The following MDM2 variants were observed in gnomAD, a reference collection of about 807,000 sequenced individuals.
MDM2 encodes the protein E3 ubiquitin-protein ligase Mdm2.
A neutral mutation model predicts 64.3 loss-of-function variants in MDM2; 11 were observed. That is an observed-to-expected ratio of 0.17 (90% CI 0.11 to 0.28). The LOEUF (loss-of-function observed/expected upper bound fraction) is 0.28. MDM2 is among the 10% of genes least tolerant of loss of function. The pLI is 1.00. For synonymous variants in MDM2, 194 were observed against 192.9 expected, an observed-to-expected ratio of 1.01 and a Z score of -0.05; for missense variants, 388 against 577.1, an observed-to-expected ratio of 0.67 and a Z score of 3.36.
intron 8 of MDM2, among the ~76,000 whole-genome samples, chr12:68,831,794 G>A (rs1013917160): frequency 5.9e-5 from 9 of 152,122 alleles, no homozygotes; most frequent in East Asian, 1.9e-4. Context: ...TCAGCCGGGC[G>A]TGGTGGCTCA....
At chr12:68,827,593 G>C (rs935920536) in intron 7 of MDM2, among the ~76,000 whole-genome samples, 1 of 152,076 alleles carries the variant, frequency 6.6e-6, no homozygotes, top group Admixed American at 6.5e-5. Context: ...TGAGGACTTT[G>C]CAGTATTATG....
downstream of MDM2, chr12:68,846,143 TG>T (rs1418719157): frequency 6.6e-6 from 1 of 152,152 alleles, no homozygotes; most frequent in South Asian, 2.1e-4. Context: ...TTAGTAGAGA[TG>T]GGGTTTCAGC....
Position 68,816,690 on chromosome 12 carries a change from A to C in MDM2, c.175-122A>C, listed in dbSNP as rs1363945841. ...CTTCTAAGTACAAAATGGTTGTTCT[A>C]CATAGTTGTGGATATGGTTCCTGGT... On this transcript the variant is annotated intron_variant, in intron 3 of 10. Coordinates refer to ENST00000258149, the MANE Select transcript of MDM2 (RefSeq NM_002392.6). 8.1e-6 allele frequency: 7 copies of C among 867,364 alleles called. No individual in the cohort carries two copies. The East Asian group carries it at 2.0e-4, about 25-fold the overall frequency. 53.7% of individuals were successfully genotyped at this position (867,364 alleles called of 1,614,324 possible).
chr12:68,816,390 T>G (rs991021416), intron 3 of MDM2, among the ~76,000 whole-genome samples: 126 of 107,464 alleles, frequency 1.2e-3, no homozygotes, highest in African/African-American at 4.8e-3. Flanking sequence ...TTTTTTTTTT[T>G]GAGATGAAGT....
chr12:68,808,320 A>C lies in MDM2; in HGVS notation c.-158A>C, dbSNP rs552035806. On this transcript the variant is annotated 5_prime_UTR_variant, in exon 1 of 11. Transcript: ENST00000258149. ...AGATCCTGCTGCTTTCGCAGCCAGG[A>C]GCACCGTCCCTCCCCGGATTAGTGC... The C allele has an allele frequency of 2.2e-6, 2 of 906,800 alleles. No individual in the cohort carries two copies. The highest frequency in any genetic ancestry group is 2.9e-5 in the South Asian group (2 of 69,244). 56.2% of individuals were successfully genotyped at this position (906,800 alleles called of 1,614,324 possible).
rs1458957722 is a variant in MDM2 at position 68,843,700 on chromosome 12, T to G, written c.*3851T>G. 1 of 42,372 alleles carries G rather than the reference T, an allele frequency of 2.4e-5. No homozygotes were observed. The highest frequency in any genetic ancestry group is 3.4e-4 in the African/African-American group (1 of 2,974). 2.6% of individuals were successfully genotyped at this position (42,372 alleles called of 1,614,324 possible). On this transcript the variant is annotated 3_prime_UTR_variant, in exon 11 of 11. Transcript: ENST00000258149. ...TAATGGTACATTGTTGCTTCAAAAC[T>G]CTCTCTCTCTCTCTCTGTCTGTCTC...
intron 8 of MDM2, 57 bp downstream of exon 8, chr12:68,828,988 C>A: frequency 6.5e-7 from 1 of 1,535,016 alleles, no homozygotes; most frequent in Non-Finnish European, 9.0e-7. Flanking sequence ...CTAGTCCTGG[C>A]AGTCCTAATA....
rs1261288897 is a variant in MDM2 at position 68,828,900 on chromosome 12, G to A, written c.653G>A (p.Ser218Asn). 47 of 1,613,894 alleles carry A rather than the reference G, an allele frequency of 2.9e-5. No homozygotes were observed. Among genetic ancestry groups the A allele is most frequent in the Non-Finnish European group, 3.7e-5 (44 of 1,179,998 alleles). Residue 218 changes from serine (S) to asparagine (N), a missense_variant, in exon 8 of 11, where the codon AGC becomes AAC. Physicochemically the swap from Ser to Asn is conservative, Grantham distance 46 (BLOSUM62 1). Transcript: ENST00000258149. ...IREICCERSS[S>N]SESTGTPSNP... ...GAGATATGTTGTGAAAGAAGCAGTA[G>A]CAGTGAATCTACAGGGACGCCATCG... is the stretch of plus-strand genomic sequence containing the variant.
At chr12:68,832,545 C>T (rs1882878001) in intron 8 of MDM2, among the ~76,000 whole-genome samples, 2 of 152,076 alleles carry the variant, frequency 1.3e-5, no homozygotes, top group South Asian at 2.1e-4. Flanking sequence ...CAGTCTCTCA[C>T]TCCGTTGCCC....
In MDM2 at chr12:68,839,405, A is replaced by G. The variant is rs756599882; in HGVS notation, c.1050A>G (p.Lys350=). The G allele has an allele frequency of 6.2e-7, 1 of 1,613,962 alleles. No individual in the cohort carries two copies. Among genetic ancestry groups the G allele is most frequent in the South Asian group, 1.1e-5 (1 of 91,078 alleles). ...AAGATAAAGGGGAAATCTCTGAGAA[A>G]GCCAAACTGGAAAACTCAACACAAG... ...KGKDKGEISE[K]AKLENSTQAE... The change falls in exon 11 of 11, where the codon AAA becomes AAG. Residue 350 remains lysine (K), a synonymous_variant. Transcript: ENST00000258149.
At chr12:68,832,546 T>G (rs1882878204) in intron 8 of MDM2, among the ~76,000 whole-genome samples, 1 of 152,128 alleles carries the variant, frequency 6.6e-6, no homozygotes, top group Non-Finnish European at 1.5e-5. Flanking sequence ...AGTCTCTCAC[T>G]CCGTTGCCCA....
intron 8 of MDM2, among the ~76,000 whole-genome samples, chr12:68,833,287 AT>A (rs1222053534): frequency 0.079 from 8,673 of 109,704 alleles, 1,565 homozygotes; most frequent in African/African-American, 0.3. Context: ...ATAAATATAA[AT>A]ATATATATTT....
chr12:68,826,536 C>T (rs1882333506), intron 7 of MDM2, among the ~76,000 whole-genome samples: 1 of 151,070 alleles, frequency 6.6e-6, no homozygotes, highest in South Asian at 2.1e-4. Flanking sequence ...GTAATCCCAG[C>T]TACTTGGGAG....
chr12:68,838,131 C>A (rs574969087), intron 10 of MDM2, among the ~76,000 whole-genome samples: 1 of 152,050 alleles, frequency 6.6e-6, no homozygotes, highest in African/African-American at 2.4e-5. Context: ...CTGTGAAAAA[C>A]CCCCTTCTAT....
chr12:68,808,392 G>T lies in MDM2; in HGVS notation c.-86G>T. ...GCCCGGAGAGTGGAATGATCCCCGA[G>T]GCCCAGGGCGTCGTGCTTCCGCGCG... On this transcript the variant is annotated 5_prime_UTR_variant, in exon 1 of 11. The change creates a new upstream start codon in the 5' untranslated region. Coordinates refer to ENST00000258149, the MANE Select transcript of MDM2 (RefSeq NM_002392.6). 1 of 1,579,076 alleles carries T rather than the reference G, an allele frequency of 6.3e-7. No homozygotes were observed.
intron 5 of MDM2, among the ~76,000 whole-genome samples, chr12:68,823,324 CAA>C (rs1382983241): frequency 6.6e-6 from 1 of 152,146 alleles, no homozygotes; most frequent in Admixed American, 6.5e-5. Flanking sequence ...CTTTTGAGCT[CAA>C]AGTCTGTATA....
chr12:68,835,090 G>T (rs779439846), intron 8 of MDM2, among the ~76,000 whole-genome samples: 2 of 152,126 alleles, frequency 1.3e-5, no homozygotes, highest in Non-Finnish European at 2.9e-5. Flanking sequence ...TACAAGTGTT[G>T]TGTCTTGTTA....
chr12:68,838,474 GGAT>G (rs1883484337), intron 10 of MDM2, among the ~76,000 whole-genome samples: 1 of 152,196 alleles, frequency 6.6e-6, no homozygotes, highest in South Asian at 2.1e-4. Context: ...TAGTGACCAA[GGAT>G]GATAGGTTTT....
At chr12:68,832,027 G>A (rs1006040748) in intron 8 of MDM2, among the ~76,000 whole-genome samples, 3 of 152,144 alleles carry the variant, frequency 2.0e-5, no homozygotes, top group African/African-American at 7.2e-5. Flanking sequence ...CTGAGATCAC[G>A]CCATTGCACT....
Sources: gnomAD v4.1 joint callset for allele counts (sites outside exome capture counted in the v4.1 genomes callset) on GRCh38, gnomAD v4.1.1 for gene constraint, MANE v1.5 for transcripts, NCBI Gene and HGNC (gene_info 2026-07-23, HGNC 2026-07-21) for gene names.